HTR4: variants seen among roughly 807,000 people sequenced by gnomAD.
HTR4 encodes the protein 5-hydroxytryptamine receptor 4, also known as 5-hydroxytryptamine (serotonin) receptor 4, G protein-coupled.
A neutral mutation model predicts 36.8 loss-of-function variants in HTR4; 16 were observed. The observed-to-expected ratio is 0.43, with a 90% CI of 0.29 to 0.66. HTR4 has a LOEUF of 0.66. HTR4 is among the 30% of genes least tolerant of loss of function. HTR4 has a pLI of 0.13. For synonymous variants in HTR4, 189 were observed against 185.1 expected (o/e 1.02, Z -0.17); for missense variants, 438 against 490.9 (o/e 0.89, Z 1.02).
In HTR4 at chr5:148,481,986, T is replaced by C; in HGVS notation, c.*1217A>G. 1 of 1,013,386 alleles carries C rather than the reference T, an allele frequency of 9.9e-7. No individual in the cohort carries two copies. The highest frequency in any genetic ancestry group is 1.2e-6 in the Non-Finnish European group (1 of 848,810). The allele number at this position is 1,013,386 out of a possible 1,614,324, so 62.8% of individuals were successfully genotyped here. ...CGGCTATAGCAGCATACTGTTGTCT[T>C]AGAAACAGAAAGAAAACTTAAAGGT... On this transcript the variant is annotated 3_prime_UTR_variant, in exon 7 of 7. Transcript: ENST00000377888.
chr5:148,574,446 A>G (rs1045524923), intron 2 of HTR4, among the ~76,000 whole-genome samples: 1 of 152,148 alleles, frequency 6.6e-6, no homozygotes, highest in Middle Eastern at 3.4e-3. Context: ...AAAAATCAAC[A>G]TCTGAATGCA....
chr5:148,535,551 G>C (rs1758773351), intron 4 of HTR4, among the ~76,000 whole-genome samples: 1 of 152,144 alleles, frequency 6.6e-6, no homozygotes, highest in Admixed American at 6.6e-5. Context: ...TAATGGATCT[G>C]ACAGAGCTGA....
At chr5:148,487,740 CGAGCTTAGAGATAGAGACAGTAGAG>C (rs2113728493) in intron 6 of HTR4, among the ~76,000 whole-genome samples, 1 of 152,036 alleles carries the variant, frequency 6.6e-6, no homozygotes, top group Non-Finnish European at 1.5e-5. Flanking sequence ...GTAGAGAGAG[CGAGCTTAGAGATAGAGACAGTAGAG>C]AGAGCGAGCT....
chr5:148,467,933 A>G (rs1477921529), intron 5 of HTR4, among the ~76,000 whole-genome samples: 1 of 152,236 alleles, frequency 6.6e-6, no homozygotes, highest in African/African-American at 2.4e-5. Flanking sequence ...GGAGTGTTAC[A>G]CATTTCCCCC....
intron 2 of HTR4, among the ~76,000 whole-genome samples, chr5:148,562,144 G>A (rs1405182184): frequency 6.6e-6 from 1 of 152,192 alleles, no homozygotes; most frequent in Non-Finnish European, 1.5e-5. Flanking sequence ...AAGTCCTAGT[G>A]GAACACAGCC....
At chr5:148,555,970 A>ACT (rs1317889300) in intron 2 of HTR4, among the ~76,000 whole-genome samples, 124 of 146,526 alleles carry the variant, frequency 8.5e-4, no homozygotes, top group East Asian at 2.9e-3. Flanking sequence ...ACACACACAC[A>ACT]CTCTCTCTCT....
chr5:148,622,092 T>A (rs1752937853), intron 2 of HTR4, among the ~76,000 whole-genome samples: 2 of 152,186 alleles, frequency 1.3e-5, no homozygotes, highest in Non-Finnish European at 2.9e-5. Context: ...CAAACCCCAG[T>A]GGCTTCAGGA....
chr5:148,519,208 T>G (rs1220279426), intron 5 of HTR4, among the ~76,000 whole-genome samples: 1 of 152,192 alleles, frequency 6.6e-6, no homozygotes, highest in East Asian at 1.9e-4. Context: ...AAGAATTTAG[T>G]ATATTGTCTA....
chr5:148,576,677 C>A (rs1760934474), intron 2 of HTR4, among the ~76,000 whole-genome samples: 1 of 152,062 alleles, frequency 6.6e-6, no homozygotes, highest in South Asian at 2.1e-4. Context: ...ACATCTGTGA[C>A]CATCTGATCT....
At chr5:148,526,464 GT>G (rs1311470596) in intron 4 of HTR4, among the ~76,000 whole-genome samples, 1 of 152,066 alleles carries the variant, frequency 6.6e-6, no homozygotes, top group Non-Finnish European at 1.5e-5. Context: ...AATTTTTGAG[GT>G]TTAGAATGAG....
intron 2 of HTR4, among the ~76,000 whole-genome samples, chr5:148,551,250 G>T (rs959404750): frequency 6.6e-6 from 1 of 152,200 alleles, no homozygotes; most frequent in African/African-American, 2.4e-5. Context: ...CTCCCAGAGA[G>T]AAAAGATTGT....
intron 2 of HTR4, among the ~76,000 whole-genome samples, chr5:148,618,783 T>A (rs901063704): frequency 3.9e-5 from 6 of 152,218 alleles, no homozygotes; most frequent in African/African-American, 1.4e-4. Flanking sequence ...CGTTAAAGTC[T>A]TCATTCAAGA....
At chr5:148,503,577 G>C (rs1465168776) in intron 6 of HTR4, among the ~76,000 whole-genome samples, 2 of 152,200 alleles carry the variant, frequency 1.3e-5, no homozygotes, top group East Asian at 1.9e-4. Context: ...GGAAGAAACT[G>C]CATCAACTAA....
intron 2 of HTR4, among the ~76,000 whole-genome samples, chr5:148,555,307 G>A (rs1561616783): frequency 6.6e-6 from 1 of 152,134 alleles, no homozygotes; most frequent in Non-Finnish European, 1.5e-5. Context: ...CGTCTGTGAT[G>A]AACATCTCTG....
intron 4 of HTR4, among the ~76,000 whole-genome samples, chr5:148,535,016 C>T (rs1283221634): frequency 2.0e-5 from 3 of 152,102 alleles, no homozygotes; most frequent in Non-Finnish European, 2.9e-5. Context: ...ACAGCTGCAA[C>T]TGTGAGGAAA....
At chr5:148,644,422 G>GTT (rs1175588280) in intron 1 of HTR4, among the ~76,000 whole-genome samples, 2,016 of 40,584 alleles carry the variant, frequency 0.05, 516 homozygotes, top group Non-Finnish European at 0.053. Context: ...AAGCTCACAA[G>GTT]TTTTTTTTTT....
intron 5 of HTR4, chr5:148,521,069 T>G (rs1351014049): frequency 7.6e-7 from 1 of 1,308,614 alleles, no homozygotes; most frequent in Non-Finnish European, 1.0e-6. Flanking sequence ...TCCTCTCCAC[T>G]CCACTTCCCA....
chr5:148,573,583 A>G (rs1370900356), intron 2 of HTR4, among the ~76,000 whole-genome samples: 1 of 152,084 alleles, frequency 6.6e-6, no homozygotes, highest in African/African-American at 2.4e-5. Context: ...CTCATTGGCC[A>G]GAACTAGTCA....
intron 5 of HTR4, among the ~76,000 whole-genome samples, chr5:148,454,956 C>A (rs950375018): frequency 6.6e-6 from 1 of 152,140 alleles, no homozygotes; most frequent in African/African-American, 2.4e-5. Context: ...TGGGGCTACG[C>A]TTTAGTATCT....
Sources: gnomAD v4.1 joint callset for allele counts (sites outside exome capture counted in the v4.1 genomes callset) on GRCh38, gnomAD v4.1.1 for gene constraint, MANE v1.5 for transcripts, NCBI Gene and HGNC (gene_info 2026-07-23, HGNC 2026-07-21) for gene names.